CMSS1: variants seen among roughly 807,000 people sequenced by gnomAD.
CMSS1 encodes protein CMSS1.
Under a neutral mutation model 43.5 loss-of-function variants are expected in CMSS1, and 33 were observed. That is an observed-to-expected ratio of 0.76 (90% CI 0.57 to 1.01). CMSS1 has a LOEUF of 1.01. Among genes scored for constraint, CMSS1 ranks in the 50% least tolerant of loss-of-function variants. CMSS1 has a pLI of 0.00. For missense variants in CMSS1, 313 were observed against 326.4 expected (o/e 0.96, Z 0.32); for synonymous variants, 115 against 117.2 (o/e 0.98, Z 0.12).
intron 1 of CMSS1, among the ~76,000 whole-genome samples, chr3:100,143,905 CA>C (rs1187718674): frequency 6.6e-6 from 1 of 152,054 alleles, no homozygotes; most frequent in Non-Finnish European, 1.5e-5. Context: ...CCAATATTTT[CA>C]TATTATGTCT....
chr3:99,919,941 G>A (rs189685345), intron 1 of CMSS1, among the ~76,000 whole-genome samples: 13 of 152,120 alleles, frequency 8.5e-5, no homozygotes, highest in African/African-American at 3.1e-4. Context: ...AGTCAAACTT[G>A]GACAGAAAAG....
intron 1 of CMSS1, among the ~76,000 whole-genome samples, chr3:100,070,916 T>G (rs1255569750): frequency 1.3e-5 from 2 of 152,156 alleles, no homozygotes; most frequent in Non-Finnish European, 2.9e-5. Context: ...TAGGCATGAG[T>G]CACCGCGCCT....
intron 1 of CMSS1, among the ~76,000 whole-genome samples, chr3:100,043,593 G>GA (rs1179661045): frequency 4.6e-5 from 7 of 152,156 alleles, no homozygotes; most frequent in Admixed American, 4.6e-4. Flanking sequence ...CCATCCATTT[G>GA]AGTCAGTTAG....
chr3:99,973,575 A>G (rs1395156919), intron 1 of CMSS1, among the ~76,000 whole-genome samples: 3 of 152,166 alleles, frequency 2.0e-5, no homozygotes, highest in South Asian at 2.1e-4. Flanking sequence ...CATGAAAGTT[A>G]TCAACATCCT....
intron 1 of CMSS1, among the ~76,000 whole-genome samples, chr3:99,851,988 ACT>A (rs1347917807): frequency 6.6e-6 from 1 of 152,088 alleles, no homozygotes; most frequent in Non-Finnish European, 1.5e-5. Context: ...CAGAAGAGAA[ACT>A]CTGTTATCAG....
At chr3:99,976,820 A>G (rs1216121191) in intron 1 of CMSS1, among the ~76,000 whole-genome samples, 1 of 152,066 alleles carries the variant, frequency 6.6e-6, no homozygotes. Flanking sequence ...TTTGACCATT[A>G]TCTCTTCAAA....
chr3:100,154,425 A>G (rs1421436150), intron 2 of CMSS1, among the ~76,000 whole-genome samples: 3 of 152,024 alleles, frequency 2.0e-5, no homozygotes, highest in East Asian at 3.9e-4. Flanking sequence ...TATATAATGT[A>G]TCATTTTGCA....
intron 1 of CMSS1, among the ~76,000 whole-genome samples, chr3:100,133,792 A>G (rs2107501291): frequency 6.6e-6 from 1 of 152,332 alleles, no homozygotes; most frequent in East Asian, 1.9e-4. Flanking sequence ...TCAATAGGAA[A>G]CTTTAAGGAT....
chr3:99,919,310 G>A (rs1707051092), intron 1 of CMSS1, among the ~76,000 whole-genome samples: 1 of 151,298 alleles, frequency 6.6e-6, no homozygotes, highest in Admixed American at 6.6e-5. Flanking sequence ...TGCCTTAGAA[G>A]AATCAGTATC....
chr3:100,035,922 T>C (rs1438640069), intron 1 of CMSS1, among the ~76,000 whole-genome samples: 2 of 152,338 alleles, frequency 1.3e-5, no homozygotes, highest in East Asian at 3.9e-4. Context: ...TTGAACTTTG[T>C]TGGGCTCTGA....
At chr3:99,849,746 C>T in intron 1 of CMSS1, 1 of 1,613,758 alleles carries the variant, frequency 6.2e-7, no homozygotes, top group Non-Finnish European at 8.5e-7. Flanking sequence ...TCCTCAATGG[C>T]TTTCATGTCC....
Position 100,148,328 on chromosome 3 carries a change from C to T in CMSS1, c.153+1267C>T, listed in dbSNP as rs374396935. 2.0e-5 allele frequency among the ~76,000 whole-genome samples: 3 copies of T among 152,310 alleles called. No individual in the cohort carries two copies. In the South Asian group the frequency reaches 6.2e-4, roughly 32 times the overall value. On this transcript the variant is annotated intron_variant, in intron 2 of 9. Coordinates refer to ENST00000421999, the MANE Select transcript of CMSS1 (RefSeq NM_032359.4). ...TTCTGGGCTCAAGTGATCCTCTTTC[C>T]CTTGGCCTCCCAAAGTGCTGGGATT...
In CMSS1 at chr3:100,029,104, T is replaced by C. The variant is rs142969798; in HGVS notation, c.65-117869T>C. 7.3e-3 allele frequency among the ~76,000 whole-genome samples: 1,108 copies of C among 152,194 alleles called. 19 individuals carry two copies. Among genetic ancestry groups the C allele is most frequent in the African/African-American group, 0.025 (1,021 of 41,524 alleles). Reference sequence around the variant, plus strand: ...TACCCTGGGAGCTGAGGCAGAAGGATTGCTTGAGCTCAGGAGTTCCAAGCC... The same window carrying C: ...TACCCTGGGAGCTGAGGCAGAAGGACTGCTTGAGCTCAGGAGTTCCAAGCC... On this transcript the variant is annotated intron_variant, in intron 1 of 9. Transcript: ENST00000421999.
intron 1 of CMSS1, among the ~76,000 whole-genome samples, chr3:99,960,843 T>C (rs1044573220): frequency 2.0e-5 from 3 of 152,234 alleles, no homozygotes; most frequent in Non-Finnish European, 4.4e-5. Context: ...TTATATATTT[T>C]TGCGTTGTTA....
At chr3:99,857,651 C>T (rs893043467) in intron 1 of CMSS1, among the ~76,000 whole-genome samples, 1 of 152,136 alleles carries the variant, frequency 6.6e-6, no homozygotes, top group African/African-American at 2.4e-5. Context: ...TTTTCAGATG[C>T]TTGGTCCATA....
intron 1 of CMSS1, among the ~76,000 whole-genome samples, chr3:99,903,695 A>G (rs1456867519): frequency 6.6e-6 from 1 of 152,046 alleles, no homozygotes; most frequent in Non-Finnish European, 1.5e-5. Context: ...TCTTAACAGG[A>G]CCCTACACAA....
At chr3:99,853,896 C>G (rs1366936690) in intron 1 of CMSS1, among the ~76,000 whole-genome samples, 3 of 152,154 alleles carry the variant, frequency 2.0e-5, no homozygotes, top group Non-Finnish European at 4.4e-5. Context: ...AACTTGGGAG[C>G]TCAGGACAAG....
At chr3:100,106,642 C>G (rs1271416304) in intron 1 of CMSS1, among the ~76,000 whole-genome samples, 1 of 152,140 alleles carries the variant, frequency 6.6e-6, no homozygotes, top group East Asian at 1.9e-4. Flanking sequence ...GCTGTAGGAT[C>G]CAGAAGCATA....
chr3:100,019,448 T>A (rs987346321), intron 1 of CMSS1, among the ~76,000 whole-genome samples: 2 of 152,154 alleles, frequency 1.3e-5, no homozygotes, highest in Non-Finnish European at 2.9e-5. Context: ...TAATAATAAG[T>A]GATGACATTT....
Sources: allele counts gnomAD v4.1 joint callset (sites outside exome capture counted in the v4.1 genomes callset), GRCh38; gene constraint gnomAD v4.1.1; transcripts MANE v1.5; gene names NCBI Gene and HGNC (gene_info 2026-07-23, HGNC 2026-07-21).